Variants in LMBR1 observed in about 807,000 individuals in gnomAD.
LMBR1 encodes the protein limb development membrane protein 1.
In LMBR1, 52 loss-of-function variants were observed where a neutral mutation model predicts 73.9. That is an observed-to-expected ratio of 0.70 (90% CI 0.56 to 0.89). The LOEUF (loss-of-function observed/expected upper bound fraction) is 0.89, where lower values mean the gene tolerates loss of function less well. Ranked by LOEUF, LMBR1 falls within the 40% of genes least tolerant of loss-of-function variation. LMBR1 has a pLI of 0.00. For synonymous variants in LMBR1, 215 were observed against 209.4 expected, an observed-to-expected ratio of 1.03 and a Z score of -0.23; for missense variants, 539 against 579.8, an observed-to-expected ratio of 0.93 and a Z score of 0.72.
In LMBR1 at chr7:156,681,910, A is replaced by G. The variant is rs1563120527; in HGVS notation, c.*2168T>C. 6.6e-6 allele frequency: 1 copy of G among 152,276 alleles called. No homozygotes were observed. Among genetic ancestry groups the G allele is most frequent in the Non-Finnish European group, 1.5e-5 (1 of 68,068 alleles). The allele number at this position is 152,276 out of a possible 1,614,324, so 9.4% of individuals were successfully genotyped here. A position where few individuals can be genotyped will look rare whatever the true frequency, so the allele number is the denominator to read the frequency against. ...ATAAAGCAGCCTCCGACCTAGCTCC[A>G]ATGGAAGCACCTGCATTTGGAGTCA... On this transcript the variant is annotated 3_prime_UTR_variant, in exon 17 of 17. Transcript: ENST00000353442.
chr7:156,892,910 G>A lies in LMBR1; in HGVS notation c.66+18C>T, dbSNP rs1329864600. On this transcript the variant is annotated intron_variant, in intron 1 of 16. Coordinates refer to ENST00000353442, the MANE Select transcript of LMBR1 (RefSeq NM_022458.4). ...GCGGGCACGCGGGACTGTCAGGGCT[G>A]CCTCGGTCCCCACGCACCGTGGACT... The A allele has an allele frequency of 6.7e-7, 1 of 1,490,942 alleles. No homozygotes were observed. The highest frequency in any genetic ancestry group is 8.9e-7 in the Non-Finnish European group (1 of 1,125,426). The allele number at this position is 1,490,942 out of a possible 1,614,324, so 92.4% of individuals were successfully genotyped here.
In LMBR1 at chr7:156,833,849, AATTT is replaced by A. The variant is rs1837132782; in HGVS notation, c.140-61_140-58del. 5 of 1,112,730 alleles carry A rather than the reference AATTT, an allele frequency of 4.5e-6. No homozygotes were observed. In the South Asian group the frequency reaches 5.6e-5, roughly 12 times the overall value. The allele number at this position is 1,112,730 out of a possible 1,614,324, so 68.9% of individuals were successfully genotyped here. On this transcript the variant is annotated intron_variant, in intron 2 of 16. Coordinates refer to ENST00000353442, the MANE Select transcript of LMBR1 (RefSeq NM_022458.4). ...TTATCTTCTAACAAAATGCGTCATT[AATTT>A]ATTAAAACTATAAACACAATATAAA...
intron 5 of LMBR1, among the ~76,000 whole-genome samples, chr7:156,769,958 C>T (rs928765228): frequency 1.6e-4 from 25 of 152,200 alleles, no homozygotes; most frequent in Admixed American, 4.6e-4. Flanking sequence ...AGAAAGAAAA[C>T]GCAGGAATGC....
intron 3 of LMBR1, 84 bp downstream of exon 3, chr7:156,833,669 C>T: frequency 9.9e-7 from 1 of 1,013,354 alleles, no homozygotes; most frequent in Non-Finnish European, 1.5e-6. Flanking sequence ...ATTTTCCATA[C>T]TTCTATCCAA....
chr7:156,683,779 T>G lies in LMBR1; in HGVS notation c.*299A>C, dbSNP rs568752671. On this transcript the variant is annotated 3_prime_UTR_variant, in exon 17 of 17. Transcript: ENST00000353442. ...TTTTCATATCAGGTGAAAACAATTT[T>G]TTCATATGGGTGATTGTATTTACCA... 16 of 255,022 alleles carry G rather than the reference T, an allele frequency of 6.3e-5. No homozygotes were observed. The highest frequency in any genetic ancestry group is 8.8e-5 in the Non-Finnish European group (12 of 136,010). The allele number at this position is 255,022 out of a possible 1,614,324, so 15.8% of individuals were successfully genotyped here. A position where few individuals can be genotyped will look rare whatever the true frequency, so the allele number is the denominator to read the frequency against.
At chr7:156,818,582 C>T (rs1427496649) in intron 4 of LMBR1, among the ~76,000 whole-genome samples, 2 of 152,170 alleles carry the variant, frequency 1.3e-5, no homozygotes, top group Non-Finnish European at 2.9e-5. Flanking sequence ...ATTAAACTCA[C>T]ATTACTTAAA....
intron 4 of LMBR1, among the ~76,000 whole-genome samples, chr7:156,806,855 A>C (rs1004684710): frequency 6.6e-6 from 1 of 151,454 alleles, no homozygotes; most frequent in African/African-American, 2.4e-5. Context: ...CAGGTGATCC[A>C]CCCGCCTCAG....
intron 15 of LMBR1, 55 bp downstream of exon 15, chr7:156,724,057 A>C (rs1391359784): frequency 2.4e-6 from 3 of 1,260,806 alleles, no homozygotes; most frequent in Non-Finnish European, 2.3e-6. Context: ...AAGTTCAGTA[A>C]AGACAGTTTT....
At chr7:156,841,522 A>T (rs1246905106) in intron 1 of LMBR1, among the ~76,000 whole-genome samples, 1 of 152,166 alleles carries the variant, frequency 6.6e-6, no homozygotes, top group Non-Finnish European at 1.5e-5. Flanking sequence ...AGGATTCACA[A>T]AAGCTGACTG....
chr7:156,750,479 T>C (rs1214373185), intron 9 of LMBR1, among the ~76,000 whole-genome samples: 1 of 152,178 alleles, frequency 6.6e-6, no homozygotes, highest in Non-Finnish European at 1.5e-5. Flanking sequence ...TATTTCGGCC[T>C]CTTCACTAAC....
At position 156,670,504 on chromosome 7, in the gene LMBR1, A is replaced by G. The variant is rs1006329482; in HGVS notation, n.867-1217T>C. Reference sequence around the variant, plus strand: ...GCAACAAAGGCTAAGAATTTTCCAGATCTGAAGAAGATACAAGCCACAGAT... The same window carrying G: ...GCAACAAAGGCTAAGAATTTTCCAGGTCTGAAGAAGATACAAGCCACAGAT... On this transcript the variant is annotated intron_variant and non_coding_transcript_variant, in intron 4 of 4. Transcript: ENST00000430825. This position sits in a 1 kb window ranked among gnomAD's most constrained non-coding sequence, Gnocchi z 4.3. 1.3e-5 allele frequency among the ~76,000 whole-genome samples: 2 copies of G among 152,204 alleles called. No individual in the cohort carries two copies. The highest frequency in any genetic ancestry group is 4.8e-5 in the African/African-American group (2 of 41,452).
chr7:156,770,348 A>T (rs1183434793), intron 5 of LMBR1, among the ~76,000 whole-genome samples: 1 of 152,198 alleles, frequency 6.6e-6, no homozygotes, highest in Non-Finnish European at 1.5e-5. Context: ...CTGCATCAGA[A>T]CTACTGCATT....
At chr7:156,859,012 G>C (rs896592996) in intron 1 of LMBR1, among the ~76,000 whole-genome samples, 1 of 152,138 alleles carries the variant, frequency 6.6e-6, no homozygotes, top group Admixed American at 6.5e-5. Flanking sequence ...CCAGCACTTT[G>C]GGAGGCCGAG....
At chr7:156,724,766 G>C (rs1347538338) in intron 14 of LMBR1, among the ~76,000 whole-genome samples, 12 of 11,558 alleles carry the variant, frequency 1.0e-3, no homozygotes, top group South Asian at 4.1e-3. Flanking sequence ...AGAAATAGCT[G>C]TGTGTGTGTG....
chr7:156,676,901 A>C, downstream of LMBR1: 1 of 453,368 alleles, frequency 2.2e-6, no homozygotes, highest in East Asian at 4.0e-5. Flanking sequence ...ATAGCAAAAA[A>C]TGAGAGCTTG....
In LMBR1 at chr7:156,670,933, G is replaced by A. The variant is rs999536207; in HGVS notation, n.867-1646C>T. 1.3e-5 allele frequency among the ~76,000 whole-genome samples: 2 copies of A among 152,308 alleles called. No individual in the cohort carries two copies. The highest frequency in any genetic ancestry group is 1.9e-4 in the East Asian group (1 of 5,188). ...AAATCTAATAGACATTGATTCCACCGAACAAGAAAACTCATGTCTCAGGTT... is the reference window on the plus strand; with the variant it reads ...AAATCTAATAGACATTGATTCCACCAAACAAGAAAACTCATGTCTCAGGTT... On this transcript the variant is annotated intron_variant and non_coding_transcript_variant, in intron 4 of 4. Coordinates refer to the LMBR1 transcript ENST00000430825. The surrounding 1 kb of genome is among the most constrained non-coding windows in gnomAD (Gnocchi z 4.3).
In LMBR1 at chr7:156,682,828, C is replaced by T. The variant is rs1032253180; in HGVS notation, c.*1250G>A. ...TTTTCATACACACAGTGCATGTGAA[C>T]ATATTTATATAGCAGACTGCATAAC... On this transcript the variant is annotated 3_prime_UTR_variant, in exon 17 of 17. Transcript: ENST00000353442. 6.6e-6 allele frequency: 1 copy of T among 152,180 alleles called. No individual in the cohort carries two copies. The highest frequency in any genetic ancestry group is 2.4e-5 in the African/African-American group (1 of 41,432). 9.4% of individuals were successfully genotyped at this position (152,180 alleles called of 1,614,324 possible).
At chr7:156,747,070 A>C (rs1819977273) in intron 9 of LMBR1, among the ~76,000 whole-genome samples, 1 of 152,170 alleles carries the variant, frequency 6.6e-6, no homozygotes, top group Non-Finnish European at 1.5e-5. Context: ...CAGCCCCAAC[A>C]TAAGATTTCA....
At chr7:156,731,074 T>A (rs1452430317) in intron 10 of LMBR1, among the ~76,000 whole-genome samples, 2 of 152,064 alleles carry the variant, frequency 1.3e-5, no homozygotes, top group Non-Finnish European at 2.9e-5. Context: ...AAGTGATAAA[T>A]GGAAAATTTT....
Sources: allele counts gnomAD v4.1 joint callset (sites outside exome capture counted in the v4.1 genomes callset), GRCh38; gene constraint gnomAD v4.1.1; non-coding constraint Gnocchi (gnomAD v3.1); transcripts MANE v1.5; gene names NCBI Gene and HGNC (gene_info 2026-07-23, HGNC 2026-07-21).